NLGN1: variants seen among roughly 807,000 people sequenced by gnomAD.
NLGN1 encodes the protein neuroligin 1.
NLGN1 carries 12 observed loss-of-function variants against 65.5 expected under a neutral mutation model. The observed-to-expected ratio is 0.18, with a 90% CI of 0.12 to 0.30. The LOEUF (loss-of-function observed/expected upper bound fraction) is 0.30. NLGN1 is among the 10% of genes least tolerant of loss of function. The pLI is 1.00. For missense variants in NLGN1, 750 were observed against 1,007.1 expected (o/e 0.74, Z 3.46); for synonymous variants, 350 against 359.5 (o/e 0.97, Z 0.30).
chr3:174,078,653 T>G (rs1363916990), intron 4 of NLGN1, among the ~76,000 whole-genome samples: 1 of 152,124 alleles, frequency 6.6e-6, no homozygotes, highest in Non-Finnish European at 1.5e-5. Context: ...GCATTAGGAT[T>G]ATTTATTTAG....
intron 3 of NLGN1, 24 bp downstream of exon 2, chr3:173,605,115 G>A: frequency 1.3e-6 from 2 of 1,547,926 alleles, no homozygotes; most frequent in African/African-American, 1.4e-5. Context: ...AGGAAAAACA[G>A]GGAGATATAT....
intron 3 of NLGN1, among the ~76,000 whole-genome samples, chr3:173,637,585 C>T (rs1442451447): frequency 6.6e-6 from 1 of 152,076 alleles, no homozygotes. Flanking sequence ...ATTTGTATGA[C>T]TCTTAATTGC....
rs1178538621 is a variant in NLGN1 at position 173,887,864 on chromosome 3, AT to A, written c.646+80033del. 2.7e-4 allele frequency among the ~76,000 whole-genome samples: 40 copies of A among 150,428 alleles called. No individual in the cohort carries two copies. The Admixed American group carries it at 2.7e-3, about 10-fold the overall frequency. ...CTCAGAAAATTTGACTACAACAAAAATAACACTAAAAAAAACCCACTTCTAC... is the reference window on the plus strand; with the variant it reads ...CTCAGAAAATTTGACTACAACAAAAAAACACTAAAAAAAACCCACTTCTAC... On this transcript the variant is annotated intron_variant, in intron 4 of 6. Coordinates refer to ENST00000457714, the Ensembl canonical transcript of NLGN1.
intron 4 of NLGN1, among the ~76,000 whole-genome samples, chr3:174,121,398 C>A (rs1444730874): frequency 6.6e-6 from 1 of 152,190 alleles, no homozygotes; most frequent in Non-Finnish European, 1.5e-5. Context: ...ATAGGGTGAC[C>A]TGTGCTTTGT....
chr3:173,402,096 C>G (rs149489936), intron 1 of NLGN1, among the ~76,000 whole-genome samples: 1 of 152,090 alleles, frequency 6.6e-6, no homozygotes, highest in South Asian at 2.1e-4. Context: ...TCTATTGTTT[C>G]AATATTTCTT....
intron 2 of NLGN1, among the ~76,000 whole-genome samples, chr3:173,574,273 T>C (rs1406271730): frequency 1.3e-5 from 2 of 151,914 alleles, no homozygotes; most frequent in East Asian, 3.9e-4. Context: ...AATTGAATGC[T>C]GTCAATAGAA....
intron 3 of NLGN1, among the ~76,000 whole-genome samples, chr3:173,623,972 T>G (rs1577594877): frequency 6.6e-6 from 1 of 152,152 alleles, no homozygotes; most frequent in East Asian, 1.9e-4. Context: ...TAGCCTTTTT[T>G]CTTTTTTCAA....
At chr3:174,196,920 G>T (rs1369602792) in intron 4 of NLGN1, among the ~76,000 whole-genome samples, 1 of 152,090 alleles carries the variant, frequency 6.6e-6, no homozygotes, top group Non-Finnish European at 1.5e-5. Flanking sequence ...CATTCCCAAG[G>T]CCTTTCAGCT....
intron 4 of NLGN1, among the ~76,000 whole-genome samples, chr3:173,848,448 A>G (rs376331658): frequency 2.0e-5 from 3 of 152,284 alleles, no homozygotes; most frequent in East Asian, 3.9e-4. Flanking sequence ...TCTTCAAATA[A>G]ATGTTAACGT....
chr3:173,868,696 A>G (rs1392816063), intron 4 of NLGN1, among the ~76,000 whole-genome samples: 3 of 152,178 alleles, frequency 2.0e-5, no homozygotes, highest in Non-Finnish European at 4.4e-5. Context: ...TTCACTGGGC[A>G]TATTAATCTT....
chr3:173,588,725 T>C (rs1747929313), intron 2 of NLGN1, among the ~76,000 whole-genome samples: 1 of 152,222 alleles, frequency 6.6e-6, no homozygotes, highest in South Asian at 2.1e-4. Context: ...AGATCAGAGA[T>C]GTGTCAGCAT....
chr3:173,834,599 T>C (rs1723222095), intron 4 of NLGN1, among the ~76,000 whole-genome samples: 3 of 152,182 alleles, frequency 2.0e-5, no homozygotes, highest in Admixed American at 6.5e-5. Flanking sequence ...GCTTACCACT[T>C]AGGGTACATT....
chr3:173,632,441 A>G (rs1256624212), intron 3 of NLGN1, among the ~76,000 whole-genome samples: 2 of 152,158 alleles, frequency 1.3e-5, no homozygotes, highest in Non-Finnish European at 2.9e-5. Flanking sequence ...AATCTGTGGA[A>G]GATGCCTGTA....
chr3:174,046,594 T>C (rs1205586163), intron 4 of NLGN1, among the ~76,000 whole-genome samples: 1 of 152,132 alleles, frequency 6.6e-6, no homozygotes, highest in Non-Finnish European at 1.5e-5. Context: ...TTTACTGTGC[T>C]TAGAAGGAAT....
chr3:174,159,014 C>A (rs1553949895), intron 4 of NLGN1, among the ~76,000 whole-genome samples: 1 of 151,472 alleles, frequency 6.6e-6, no homozygotes, highest in Non-Finnish European at 1.5e-5. Context: ...TGAAAAGATA[C>A]AAAAAAATCT....
chr3:174,253,147 T>C (rs898935531), intron 4 of NLGN1, among the ~76,000 whole-genome samples: 3 of 151,998 alleles, frequency 2.0e-5, no homozygotes, highest in African/African-American at 7.2e-5. Context: ...TTAAAATTAT[T>C]TCTTTTTTTC....
At chr3:174,264,033 G>C (rs1411229191) in intron 4 of NLGN1, among the ~76,000 whole-genome samples, 2 of 150,556 alleles carry the variant, frequency 1.3e-5, no homozygotes, top group African/African-American at 4.9e-5. Flanking sequence ...CTGGCTTGTA[G>C]GGTTTCTGCC....
At chr3:173,643,753 T>C (rs1203273642) in intron 3 of NLGN1, among the ~76,000 whole-genome samples, 1 of 152,146 alleles carries the variant, frequency 6.6e-6, no homozygotes, top group African/African-American at 2.4e-5. Context: ...TCTTACTCAC[T>C]GAAAGAGATA....
At chr3:173,426,440 C>G (rs779170021) in intron 1 of NLGN1, among the ~76,000 whole-genome samples, 3 of 151,880 alleles carry the variant, frequency 2.0e-5, no homozygotes, top group Non-Finnish European at 2.9e-5. Flanking sequence ...TCAAATTTTC[C>G]CCATTCAGCA....
Sources: allele counts gnomAD v4.1 joint callset (sites outside exome capture counted in the v4.1 genomes callset), GRCh38; gene constraint gnomAD v4.1.1; transcripts MANE v1.5; gene names NCBI Gene and HGNC (gene_info 2026-07-23, HGNC 2026-07-21).